The following AKAP13 variants were observed in gnomAD, a reference collection of about 807,000 sequenced individuals.
AKAP13 encodes the protein A-kinase anchor protein 13.
A neutral mutation model predicts 264.5 loss-of-function variants in AKAP13; 80 were observed. The ratio of observed to expected loss-of-function variants is 0.30; its 90% confidence interval spans 0.25 to 0.36. The LOEUF (loss-of-function observed/expected upper bound fraction) is 0.36. Ranked by LOEUF, AKAP13 falls within the 10% of genes least tolerant of loss-of-function variation. The pLI, the probability that AKAP13 is intolerant of heterozygous loss-of-function variation, is 1.00. For missense variants in AKAP13, 3,712 were observed against 3,435.2 expected (o/e 1.08, Z -2.01); for synonymous variants, 1,380 against 1,250.2 (o/e 1.10, Z -2.19).
At chr15:85,434,818 T>A (rs2073198801) in intron 1 of AKAP13, among the ~76,000 whole-genome samples, 1 of 149,484 alleles carries the variant, frequency 6.7e-6, no homozygotes, top group Non-Finnish European at 1.5e-5. Flanking sequence ...AAAACCCATC[T>A]GTACATCACC....
chr15:85,595,916 A>G (rs2079804550), intron 8 of AKAP13, among the ~76,000 whole-genome samples: 1 of 152,238 alleles, frequency 6.6e-6, no homozygotes, highest in Non-Finnish European at 1.5e-5. Flanking sequence ...CCATGTGGAA[A>G]TTGAAACAAG....
intron 1 of AKAP13, among the ~76,000 whole-genome samples, chr15:85,439,995 T>A (rs993567422): frequency 4.0e-5 from 6 of 150,482 alleles, no homozygotes; most frequent in African/African-American, 7.3e-5. Flanking sequence ...ATAATAATAA[T>A]AAATAAAAAC....
rs145558931 is a variant in AKAP13 at position 85,483,422 on chromosome 15, C to G, written c.-11-2288C>G. 5.6e-3 allele frequency among the ~76,000 whole-genome samples: 848 copies of G among 152,092 alleles called. 45 individuals carry two copies. In the East Asian group the frequency reaches 0.14, roughly 24 times the overall value. On this transcript the variant is annotated intron_variant, in intron 1 of 36. Transcript: ENST00000394518. The stretch of plus-strand genomic sequence containing the variant: ...CGGGTGGATCATGAGGTCAGGAGAT[C>G]GAGACCATCCTGGCTAACAAGGTGA...
rs765020305 is a variant in AKAP13 at position 85,710,679 on chromosome 15, C to T, written c.5599+34C>T. 1.2e-5 allele frequency: 19 copies of T among 1,604,258 alleles called. No homozygotes were observed. In the African/African-American group the frequency reaches 2.0e-4, roughly 17 times the overall value. ...CTCAGCCCACCTCTCAATTCCCTTT[C>T]TGACTTTCTGGTTCTGAATGTAAAA... On this transcript the variant is annotated intron_variant, in intron 19 of 36. Transcript: ENST00000394518.
rs979452977 is a variant in AKAP13, at chr15:85,744,787, G to A, written c.*110G>A. 1.2e-5 allele frequency: 13 copies of A among 1,043,358 alleles called. No homozygotes were observed. Among genetic ancestry groups the A allele is most frequent in the African/African-American group, 1.1e-4 (7 of 61,374 alleles). The allele number at this position is 1,043,358 out of a possible 1,614,324, so 64.6% of individuals were successfully genotyped here. A position where few individuals can be genotyped will look rare whatever the true frequency, so the allele number is the denominator to read the frequency against. ...CACTGGACGCCCACTGCTCCTCAGCGTCCAGTCCTCCTGGGCGGCCCCAGG... is the reference window on the plus strand; with the variant it reads ...CACTGGACGCCCACTGCTCCTCAGCATCCAGTCCTCCTGGGCGGCCCCAGG... On this transcript the variant is annotated 3_prime_UTR_variant, in exon 37 of 37. Coordinates refer to ENST00000394518, the MANE Select transcript of AKAP13 (RefSeq NM_007200.5).
At chr15:85,716,778 A>T (rs933680100) in intron 20 of AKAP13, among the ~76,000 whole-genome samples, 1 of 152,192 alleles carries the variant, frequency 6.6e-6, no homozygotes, top group African/African-American at 2.4e-5. Flanking sequence ...ACATTACTAA[A>T]GTTTGTATGC....
At chr15:85,522,524 G>A (rs1292117635) in intron 3 of AKAP13, among the ~76,000 whole-genome samples, 3 of 152,134 alleles carry the variant, frequency 2.0e-5, no homozygotes, top group Non-Finnish European at 2.9e-5. Context: ...AGGATGGGCA[G>A]CAGGCAATTA....
At position 85,420,861 on chromosome 15, in the gene AKAP13, A is replaced by G. The variant is rs142214525; in HGVS notation, c.-12+40063A>G. ...ATACTTAACAGGCTGAAGTAGGAGG[A>G]TTGCTTAAGTCCAGGAGTTTGAGGC... On this transcript the variant is annotated intron_variant, in intron 1 of 36. Transcript: ENST00000394518. Among the ~76,000 whole-genome samples, 9 of 152,256 alleles carry G rather than the reference A, an allele frequency of 5.9e-5. No individual in the cohort carries two copies. The East Asian group carries it at 1.7e-3, about 29-fold the overall frequency.
Position 85,655,750 on chromosome 15 carries a change from A to G in AKAP13, c.4708A>G (p.Lys1570Glu), listed in dbSNP as rs1330424402. 1 of 1,611,470 alleles carries G rather than the reference A, an allele frequency of 6.2e-7. No individual in the cohort carries two copies. Among genetic ancestry groups the G allele is most frequent in the Non-Finnish European group, 8.5e-7 (1 of 1,177,924 alleles). Residue 1570 changes from lysine to glutamate, a missense_variant, in exon 11 of 37, where the codon AAA (lysine) becomes GAA (glutamate). Transcript: ENST00000394518. ...PFRRHSWGPG[K>E]NAASDAEMNH... The stretch of plus-strand genomic sequence containing the variant: ...CCGGAGGCACAGCTGGGGGCCTGGG[A>G]AAAATGCAGCCAGCGATGCAGAAAT...
intron 3 of AKAP13, among the ~76,000 whole-genome samples, chr15:85,529,783 C>T (rs2077191463): frequency 6.6e-6 from 1 of 152,186 alleles, no homozygotes; most frequent in African/African-American, 2.4e-5. Flanking sequence ...TTCCAATGTA[C>T]TCTTAAGTTT....
chr15:85,603,940 ACT>A (rs2080204043), intron 8 of AKAP13, among the ~76,000 whole-genome samples: 1 of 151,808 alleles, frequency 6.6e-6, no homozygotes, highest in South Asian at 2.1e-4. Flanking sequence ...CCTGCCAGTG[ACT>A]CTGCTTCAGC....
chr15:85,438,036 T>C (rs953540857), intron 1 of AKAP13, among the ~76,000 whole-genome samples: 2 of 145,654 alleles, frequency 1.4e-5, no homozygotes, highest in African/African-American at 5.2e-5. Context: ...TGTCCCTGTT[T>C]GCAGATGACA....
chr15:85,674,824 A>AGG (rs200181944), intron 14 of AKAP13, among the ~76,000 whole-genome samples: 2 of 151,008 alleles, frequency 1.3e-5, no homozygotes, highest in Non-Finnish European at 3.0e-5. Context: ...TGAAATATGT[A>AGG]TGTGTGTGTG....
chr15:85,737,044 G>A (rs1054915568), intron 33 of AKAP13, among the ~76,000 whole-genome samples: 1 of 148,148 alleles, frequency 6.8e-6, no homozygotes, highest in African/African-American at 2.5e-5. Flanking sequence ...TCAGCCTCCC[G>A]AGTAGCTGGA....
intron 1 of AKAP13, among the ~76,000 whole-genome samples, chr15:85,451,713 A>G (rs2074097357): frequency 6.6e-6 from 1 of 152,204 alleles, no homozygotes; most frequent in Non-Finnish European, 1.5e-5. Flanking sequence ...TCTGGCTTGT[A>G]GGGTTTCTGC....
intron 4 of AKAP13, chr15:85,535,717 T>C (rs1596463941): frequency 6.6e-6 from 1 of 152,298 alleles, no homozygotes; most frequent in East Asian, 1.9e-4. Context: ...AGTTGGATAG[T>C]TTTATGTTGC....
At chr15:85,562,480 G>A (rs1304043795) in intron 5 of AKAP13, among the ~76,000 whole-genome samples, 7 of 148,804 alleles carry the variant, frequency 4.7e-5, no homozygotes, top group Non-Finnish European at 1.0e-4. Flanking sequence ...TGGGAGAATC[G>A]CTTGTACCTG....
chr15:85,657,786 G>A (rs2083169340), intron 11 of AKAP13, among the ~76,000 whole-genome samples: 1 of 150,106 alleles, frequency 6.7e-6, no homozygotes, highest in African/African-American at 2.5e-5. Context: ...TACAGCCAGA[G>A]CTTGAAGCAA....
chr15:85,472,101 T>C (rs576304643), intron 1 of AKAP13, among the ~76,000 whole-genome samples: 1 of 152,288 alleles, frequency 6.6e-6, no homozygotes, highest in South Asian at 2.1e-4. Context: ...TTTTTTATGC[T>C]GTTACAATTA....
Sources: gnomAD v4.1 joint callset for allele counts (sites outside exome capture counted in the v4.1 genomes callset) on GRCh38, gnomAD v4.1.1 for gene constraint, MANE v1.5 for transcripts, NCBI Gene and HGNC (gene_info 2026-07-23, HGNC 2026-07-21) for gene names.